EMILIN2: variants seen among roughly 807,000 people sequenced by gnomAD.
The protein encoded by EMILIN2 is EMILIN-2.
EMILIN2 carries 71 observed loss-of-function variants against 87.1 expected under a neutral mutation model. The observed-to-expected ratio is 0.82, with a 90% confidence interval of 0.67 to 0.99. The LOEUF (loss-of-function observed/expected upper bound fraction) is 0.99. EMILIN2 is among the 50% of genes least tolerant of loss of function. The pLI is 0.00. For missense variants in EMILIN2, 1,407 were observed against 1,371.8 expected (o/e 1.03, Z -0.40); for synonymous variants, 581 against 563.4 (o/e 1.03, Z -0.44).
At chr18:2,857,958 C>T (rs1038023743) in intron 2 of EMILIN2, among the ~76,000 whole-genome samples, 3 of 152,188 alleles carry the variant, frequency 2.0e-5, no homozygotes, top group African/African-American at 7.2e-5. Context: ...GCGAGTCATT[C>T]TGTTGCATTG....
At position 2,880,964 on chromosome 18, in the gene EMILIN2, G is replaced by A. The variant is rs536545225; in HGVS notation, c.258-4000G>A. 6.6e-6 allele frequency among the ~76,000 whole-genome samples: 1 copy of A among 152,330 alleles called. No individual in the cohort carries two copies. Among genetic ancestry groups the A allele is most frequent in the Admixed American group, 6.5e-5 (1 of 15,302 alleles). ...CCTTGGCATTTTCTAAAGCTCACTA[G>A]CTATTTTCCTGCAGTGCCTTGGGTG... On this transcript the variant is annotated intron_variant, in intron 2 of 7. Coordinates refer to ENST00000254528, the MANE Select transcript of EMILIN2 (RefSeq NM_032048.3). The surrounding 1 kb of genome is among the most constrained non-coding windows in gnomAD (Gnocchi z 4.1).
chr18:2,906,675 T>A, intron 4 of EMILIN2, 108 bp from the exon 5 acceptor site: 1 of 888,226 alleles, frequency 1.1e-6, no homozygotes, highest in East Asian at 3.6e-5. Flanking sequence ...GGCCGCAGAG[T>A]CCTCACGGGG....
At chr18:2,861,762 C>G (rs916709935) in intron 2 of EMILIN2, among the ~76,000 whole-genome samples, 25 of 152,124 alleles carry the variant, frequency 1.6e-4, no homozygotes, top group African/African-American at 4.8e-4. Flanking sequence ...TTTTCCAATT[C>G]TGTGAAGAAA....
intron 7 of EMILIN2, among the ~76,000 whole-genome samples, chr18:2,911,661 T>C (rs1743463135): frequency 6.6e-6 from 1 of 152,236 alleles, no homozygotes; most frequent in African/African-American, 2.4e-5. Context: ...AACAAGGCCA[T>C]GCTCCCCAGG....
chr18:2,858,547 A>ATGTGTGTGTG (rs1354578175), intron 2 of EMILIN2, among the ~76,000 whole-genome samples: 4 of 48,054 alleles, frequency 8.3e-5, no homozygotes, highest in African/African-American at 5.8e-4. Context: ...ATATATATAT[A>ATGTGTGTGTG]TATATATATA....
chr18:2,855,212 A>G (rs2076621050), intron 2 of EMILIN2, among the ~76,000 whole-genome samples: 1 of 152,130 alleles, frequency 6.6e-6, no homozygotes, highest in Non-Finnish European at 1.5e-5. Context: ...CCTTCCTTTC[A>G]GGTTTCTTAT....
At chr18:2,852,702 A>G (rs2076607432) in intron 2 of EMILIN2, among the ~76,000 whole-genome samples, 1 of 152,148 alleles carries the variant, frequency 6.6e-6, no homozygotes, top group Non-Finnish European at 1.5e-5. Flanking sequence ...TATTTTTAGT[A>G]GACACAGGGT....
chr18:2,911,985 T>G (rs2076942983), intron 7 of EMILIN2, among the ~76,000 whole-genome samples: 1 of 150,684 alleles, frequency 6.6e-6, no homozygotes, highest in Admixed American at 6.6e-5. Context: ...TAGCCAGACC[T>G]CTTCTGTTTT....
chr18:2,889,940 C>T (rs1261573496), intron 3 of EMILIN2, among the ~76,000 whole-genome samples: 1 of 152,044 alleles, frequency 6.6e-6, no homozygotes. Flanking sequence ...CTTTTTGTCT[C>T]CCAAACTGCA....
At chr18:2,878,216 G>A (rs746944014) in intron 2 of EMILIN2, among the ~76,000 whole-genome samples, 3 of 152,242 alleles carry the variant, frequency 2.0e-5, no homozygotes, top group Non-Finnish European at 2.9e-5. Flanking sequence ...GTGGCCGGGT[G>A]TGGTGGCTCA....
intron 4 of EMILIN2, among the ~76,000 whole-genome samples, chr18:2,903,526 G>C (rs1044014718): frequency 2.6e-5 from 4 of 151,918 alleles, no homozygotes; most frequent in Non-Finnish European, 5.9e-5. Context: ...ATCAGCTTTA[G>C]ACATTGTATA....
chr18:2,868,286 C>T (rs939558398), intron 2 of EMILIN2, among the ~76,000 whole-genome samples: 18 of 152,078 alleles, frequency 1.2e-4, no homozygotes, highest in African/African-American at 3.6e-4. Flanking sequence ...GGGATGGCGG[C>T]GGGGAAGAGG....
At chr18:2,860,739 C>T (rs1325859229) in intron 2 of EMILIN2, among the ~76,000 whole-genome samples, 1 of 152,156 alleles carries the variant, frequency 6.6e-6, no homozygotes, top group African/African-American at 2.4e-5. Flanking sequence ...TTATAATCCT[C>T]TGGGTACATA....
rs1393580795 is a variant in EMILIN2 at position 2,890,039 on chromosome 18, A to T, written c.434-522A>T. 6.6e-6 allele frequency among the ~76,000 whole-genome samples: 1 copy of T among 151,834 alleles called. No homozygotes were observed. Among genetic ancestry groups the T allele is most frequent in the Admixed American group, 6.5e-5 (1 of 15,286 alleles). On this transcript the variant is annotated intron_variant, in intron 3 of 7. Coordinates refer to ENST00000254528, the MANE Select transcript of EMILIN2 (RefSeq NM_032048.3). This position sits in a 1 kb window ranked among gnomAD's most constrained non-coding sequence, Gnocchi z 4.7. ...AAAACATTCAGGCACTGCTTTGAGG[A>T]TAACATCAGAAAATATGATATCATA...
At chr18:2,865,239 G>C (rs1303097290) in intron 2 of EMILIN2, among the ~76,000 whole-genome samples, 1 of 152,214 alleles carries the variant, frequency 6.6e-6, no homozygotes, top group East Asian at 1.9e-4. Flanking sequence ...TCTGCGTCCA[G>C]CTTTGTTCCG....
At chr18:2,871,618 CTG>C (rs1287109038) in intron 2 of EMILIN2, among the ~76,000 whole-genome samples, 2 of 152,212 alleles carry the variant, frequency 1.3e-5, no homozygotes, top group Non-Finnish European at 2.9e-5. Context: ...GAGCGGGGAT[CTG>C]TGTGCTCCTC....
intron 2 of EMILIN2, among the ~76,000 whole-genome samples, chr18:2,852,908 T>C (rs1483692895): frequency 6.6e-6 from 1 of 152,220 alleles, no homozygotes; most frequent in Non-Finnish European, 1.5e-5. Flanking sequence ...CTCTCTCTAG[T>C]GCACAGGTAC....
At chr18:2,860,094 G>T (rs1161032302) in intron 2 of EMILIN2, among the ~76,000 whole-genome samples, 2 of 152,064 alleles carry the variant, frequency 1.3e-5, no homozygotes, top group Non-Finnish European at 2.9e-5. Flanking sequence ...TTTTTTTCTA[G>T]TTCTGTGAAG....
At position 2,913,280 on chromosome 18, in the gene EMILIN2, A is replaced by C. The variant is rs547243656; in HGVS notation, c.3038A>C (p.His1013Pro). Reference sequence around the variant, plus strand: ...CCGGGGGCATTCCACCTCATCGTGCACCTGAAGGCGGGAGATGCAGTCAAC... The same window carrying C: ...CCGGGGGCATTCCACCTCATCGTGCCCCTGAAGGCGGGAGATGCAGTCAAC... ...GGPGAFHLIVHLKAGDAVNVV... is the reference protein window; with the variant it reads ...GGPGAFHLIVPLKAGDAVNVV... Residue 1013 changes from histidine to proline, a missense_variant, in exon 8 of 8, where the codon CAC (histidine) becomes CCC (proline). Coordinates refer to ENST00000254528, the MANE Select transcript of EMILIN2 (RefSeq NM_032048.3). 6.2e-7 allele frequency: 1 copy of C among 1,613,310 alleles called. No homozygotes were observed. The highest frequency in any genetic ancestry group is 2.2e-5 in the East Asian group (1 of 44,824).
Sources: allele counts gnomAD v4.1 joint callset (sites outside exome capture counted in the v4.1 genomes callset), GRCh38; gene constraint gnomAD v4.1.1; non-coding constraint Gnocchi (gnomAD v3.1); transcripts MANE v1.5; gene names NCBI Gene and HGNC (gene_info 2026-07-23, HGNC 2026-07-21).